GPR37L1: variants seen among roughly 807,000 people sequenced by gnomAD.
The protein encoded by GPR37L1 is G protein-coupled receptor 37 like 1.
GPR37L1 carries 18 observed loss-of-function variants against 18.0 expected under a neutral mutation model. The ratio of observed to expected loss-of-function variants is 1.00; its 90% CI spans 0.69 to 1.49. The LOEUF (loss-of-function observed/expected upper bound fraction) is 1.49, where lower values mean the gene tolerates loss of function less well. GPR37L1 is among the 40% of genes most tolerant of loss of function. The pLI is 0.00. For missense variants in GPR37L1, 558 were observed against 615.1 expected (o/e 0.91, Z 0.98); for synonymous variants, 256 against 273.9 (o/e 0.93, Z 0.65).
At position 202,123,165 on chromosome 1, in the gene GPR37L1, C is replaced by A; in HGVS notation, c.202C>A (p.Pro68Thr). ...TGTGCCTGAGGAGTGGGCGGAGTAC[C>A]CCCGGCCCATTCACCCTGCTGGCCT... is the stretch of plus-strand genomic sequence containing the variant. The part of the protein sequence containing the change: ...QYVPEEWAEY[P>T]RPIHPAGLQP... Residue 68 changes from proline to threonine, a missense_variant, in exon 1 of 2, where the codon CCC becomes ACC. Physicochemically the swap from Pro to Thr is conservative, Grantham distance 38. Coordinates refer to ENST00000367282, the MANE Select transcript of GPR37L1 (RefSeq NM_004767.5). 1.9e-6 allele frequency: 3 copies of A among 1,613,286 alleles called. No homozygotes were observed. The South Asian group carries it at 3.3e-5, about 18-fold the overall frequency.
rs557352015 is a variant in GPR37L1 at position 202,131,893 on chromosome 1, C to G, written c.*3337C>G. ...CTGGGACTACAGGTGCGCACTACCA[C>G]GCCTGTCTAATTTTTGATTATTTGT... On this transcript the variant is annotated 3_prime_UTR_variant, in exon 2 of 2. Transcript: ENST00000367282. The G allele has an allele frequency of 1.3e-5, 2 of 151,818 alleles. No individual in the cohort carries two copies. The highest frequency in any genetic ancestry group is 2.9e-5 in the Non-Finnish European group (2 of 67,980). The allele number at this position is 151,818 out of a possible 1,614,324, so 9.4% of individuals were successfully genotyped here.
At chr1:202,127,618 T>G in intron 1 of GPR37L1, 123 bp from the exon 2 acceptor site, 7 of 705,700 alleles carry the variant, frequency 9.9e-6, no homozygotes, top group Non-Finnish European at 9.7e-6. Context: ...ACCCGGCCCA[T>G]TATTATAATT....
At chr1:202,123,908 C>A (rs1654580682) in intron 1 of GPR37L1, among the ~76,000 whole-genome samples, 1 of 152,130 alleles carries the variant, frequency 6.6e-6, no homozygotes, top group African/African-American at 2.4e-5. Context: ...CTAAGCTGCC[C>A]TCTCCCTTCC....
chr1:202,123,018 C>A lies in GPR37L1; in HGVS notation c.55C>A (p.Leu19Ile). 6.2e-7 allele frequency: 1 copy of A among 1,613,490 alleles called. No homozygotes were observed. Among genetic ancestry groups the A allele is most frequent in the Non-Finnish European group, 8.5e-7 (1 of 1,180,004 alleles). ...TCTTGCTGTGATTTTGGCTGTGGGGCTAAGCAGGGTCTCTGGGGGTGCCCC... is the reference window on the plus strand; with the variant it reads ...TCTTGCTGTGATTTTGGCTGTGGGGATAAGCAGGGTCTCTGGGGGTGCCCC... ...VSLAVILAVG[L>I]SRVSGGAPLH... is the part of the protein sequence containing the mutation. The change falls in exon 1 of 2, where the codon CTA (leucine) becomes ATA (isoleucine). Residue 19 changes from leucine to isoleucine, a missense_variant. Leu to Ile is a conservative substitution (Grantham distance 5). Transcript: ENST00000367282.
rs1216734576 is a variant in GPR37L1 at position 202,129,224 on chromosome 1, G to A, written c.*668G>A. On this transcript the variant is annotated 3_prime_UTR_variant, in exon 2 of 2. Coordinates refer to ENST00000367282, the MANE Select transcript of GPR37L1 (RefSeq NM_004767.5). ...GGGTTTCACCATGTTGGCCAGGCTG[G>A]TGTTGAACTCCTGACCTCAAGTGAT... is the stretch of plus-strand genomic sequence containing the variant. The A allele has an allele frequency of 3.9e-5, 6 of 152,336 alleles. No individual in the cohort carries two copies. Among genetic ancestry groups the A allele is most frequent in the Admixed American group, 3.3e-4 (5 of 15,262 alleles). 9.4% of individuals were successfully genotyped at this position (152,336 alleles called of 1,614,324 possible).
At position 202,130,242 on chromosome 1, in the gene GPR37L1, C is replaced by G. The variant is rs1348276567; in HGVS notation, c.*1686C>G. On this transcript the variant is annotated 3_prime_UTR_variant, in exon 2 of 2. Coordinates refer to ENST00000367282, the MANE Select transcript of GPR37L1 (RefSeq NM_004767.5). Reference sequence around the variant, plus strand: ...GAGCTCAGCTTTCCTCAGAACCACCCCCCCTGTCTGAAGCTCTGTCCTGGG... The same window carrying G: ...GAGCTCAGCTTTCCTCAGAACCACCGCCCCTGTCTGAAGCTCTGTCCTGGG... The G allele has an allele frequency of 6.6e-6, 1 of 152,578 alleles. No individual in the cohort carries two copies. The highest frequency in any genetic ancestry group is 1.5e-5 in the Non-Finnish European group (1 of 68,330). 9.5% of individuals were successfully genotyped at this position (152,578 alleles called of 1,614,324 possible). A position where few individuals can be genotyped will look rare whatever the true frequency, so the allele number is the denominator to read the frequency against.
Position 202,127,809 on chromosome 1 carries a change from C to A in GPR37L1, c.699C>A (p.Thr233=). ...ALGIDRFHVA[T]STLPKVRPIE... Reference sequence around the variant, plus strand: ...GCATTGACCGCTTCCACGTGGCCACCAGCACCCTGCCCAAGGTGAGGCCCA... The same window carrying A: ...GCATTGACCGCTTCCACGTGGCCACAAGCACCCTGCCCAAGGTGAGGCCCA... Residue 233 remains threonine (T), a synonymous_variant, in exon 2 of 2, where the codon ACC becomes ACA. Transcript: ENST00000367282. 6.2e-7 allele frequency: 1 copy of A among 1,612,716 alleles called. No individual in the cohort carries two copies. The highest frequency in any genetic ancestry group is 8.5e-7 in the Non-Finnish European group (1 of 1,179,162).
At chr1:202,126,838 C>CGTGCGTGTGTGTGTGTGTGTGTGT (rs1553315417) in intron 1 of GPR37L1, among the ~76,000 whole-genome samples, 9 of 146,352 alleles carry the variant, frequency 6.1e-5, no homozygotes, top group African/African-American at 2.3e-4. Context: ...CAGAAACGTG[C>CGTGCGTGTGTGTGTGTGTGTGTGT]GTGTGTGTGT....
At chr1:202,123,731 T>C in intron 1 of GPR37L1, 138 bp downstream of exon 1, 1 of 780,264 alleles carries the variant, frequency 1.3e-6, no homozygotes, top group Non-Finnish European at 2.1e-6. Context: ...GCTCCTCCTT[T>C]ACCTTGGAGA....
chr1:202,124,795 C>A (rs1184500180), intron 1 of GPR37L1, among the ~76,000 whole-genome samples: 1 of 152,194 alleles, frequency 6.6e-6, no homozygotes, highest in African/African-American at 2.4e-5. Flanking sequence ...TGTGTCTCAG[C>A]AGTGGGTACA....
chr1:202,123,436 G>A lies in GPR37L1; in HGVS notation c.473G>A (p.Ser158Asn). Residue 158 changes from serine (S) to asparagine (N), a missense_variant, in exon 1 of 2, where the codon AGC becomes AAC. Transcript: ENST00000367282. Reference sequence around the variant, plus strand: ...TCGGTCATGTGCATCGTGTGGCACAGCTACTACCTGAAGAGTGCCTGGAAC... The same window carrying A: ...TCGGTCATGTGCATCGTGTGGCACAACTACTACCTGAAGAGTGCCTGGAAC... Reference protein sequence around the residue: ...NLSVMCIVWHSYYLKSAWNSI... With the variant: ...NLSVMCIVWHNYYLKSAWNSI... 4 of 1,614,142 alleles carry A rather than the reference G, an allele frequency of 2.5e-6. No individual in the cohort carries two copies. Among genetic ancestry groups the A allele is most frequent in the Non-Finnish European group, 3.4e-6 (4 of 1,180,020 alleles).
Position 202,128,693 on chromosome 1 carries a change from A to C in GPR37L1, c.*137A>C. ...TGGTTCCTCTTGTCAAGGTTTGGGA[A>C]TGTCAAAGCCCCCTCCCCACACAGG... is the stretch of plus-strand genomic sequence containing the variant. On this transcript the variant is annotated 3_prime_UTR_variant, in exon 2 of 2. Transcript: ENST00000367282. The C allele has an allele frequency of 1.6e-6, 1 of 624,442 alleles. No individual in the cohort carries two copies. The highest frequency in any genetic ancestry group is 2.0e-5 in the South Asian group (1 of 49,146). The allele number at this position is 624,442 out of a possible 1,614,324, so 38.7% of individuals were successfully genotyped here. A position where few individuals can be genotyped will look rare whatever the true frequency, so the allele number is the denominator to read the frequency against.
chr1:202,126,337 G>A (rs540961420), intron 1 of GPR37L1, among the ~76,000 whole-genome samples: 185 of 152,174 alleles, frequency 1.2e-3, no homozygotes, highest in Non-Finnish European at 2.2e-3. Context: ...GAACCCGGGA[G>A]GTGGAGGTTG....
chr1:202,126,773 G>T (rs1013407738), intron 1 of GPR37L1, among the ~76,000 whole-genome samples: 1 of 152,054 alleles, frequency 6.6e-6, no homozygotes, highest in Non-Finnish European at 1.5e-5. Context: ...CTGCTCAGAG[G>T]GGGGCCACTT....
At chr1:202,123,997 C>T (rs769079691) in intron 1 of GPR37L1, among the ~76,000 whole-genome samples, 7 of 152,290 alleles carry the variant, frequency 4.6e-5, no homozygotes, top group Middle Eastern at 3.4e-3. Context: ...TACCCCCTGC[C>T]GCTGCCCTGC....
intron 1 of GPR37L1, among the ~76,000 whole-genome samples, chr1:202,127,275 C>T (rs1363390079): frequency 2.2e-5 from 3 of 136,912 alleles, no homozygotes; most frequent in Non-Finnish European, 4.8e-5. Flanking sequence ...TAATTCCTTC[C>T]TTCTTTCCTT....
chr1:202,125,971 C>T (rs2147804968), intron 1 of GPR37L1, among the ~76,000 whole-genome samples: 1 of 152,326 alleles, frequency 6.6e-6, no homozygotes, highest in Non-Finnish European at 1.5e-5. Context: ...ATCTGCCTGC[C>T]TTGGTCTCCC....
rs749150035 is a variant in GPR37L1, at chr1:202,122,967, C to A, written c.4C>A (p.Arg2=). Residue 2 remains arginine, a synonymous_variant, in exon 1 of 2, where the codon CGG becomes AGG. Transcript: ENST00000367282. ...GCTGTCTCCTGCTCATCCAGCCATGCGGTGGCTGTGGCCCCTGGCTGTCTC... is the reference window on the plus strand; with the variant it reads ...GCTGTCTCCTGCTCATCCAGCCATGAGGTGGCTGTGGCCCCTGGCTGTCTC... The part of the protein sequence containing the change: M[R]WLWPLAVSLA... The A allele has an allele frequency of 1.8e-5, 29 of 1,612,562 alleles. No homozygotes were observed. Among genetic ancestry groups the A allele is most frequent in the South Asian group, 1.5e-4 (14 of 91,014 alleles).
chr1:202,127,702 G>T, intron 1 of GPR37L1, 39 bp from the exon 2 acceptor site: 1 of 1,417,520 alleles, frequency 7.1e-7, no homozygotes, highest in South Asian at 1.4e-5. Context: ...CATAGATTTT[G>T]ACCAAGTGCT....
Sources: allele counts gnomAD v4.1 joint callset (sites outside exome capture counted in the v4.1 genomes callset), GRCh38; gene constraint gnomAD v4.1.1; transcripts MANE v1.5; gene names NCBI Gene and HGNC (gene_info 2026-07-23, HGNC 2026-07-21).